MYPN: variants seen among roughly 807,000 people sequenced by gnomAD.
MYPN encodes the protein myopalladin, also known as sarcomeric protein myopalladin, 145 kDa (MYOP).
Under a neutral mutation model 129.4 loss-of-function variants are expected in MYPN, and 63 were observed. The observed-to-expected ratio is 0.49, with a 90% CI of 0.40 to 0.60. MYPN has a LOEUF of 0.60. Among genes scored for constraint, MYPN ranks in the 20% least tolerant of loss-of-function variants. The pLI, the probability that MYPN is intolerant of heterozygous loss-of-function variation, is 0.00. For missense variants in MYPN, 1,596 were observed against 1,635.4 expected, an observed-to-expected ratio of 0.98 and a Z score of 0.42; for synonymous variants, 629 against 600.9, an observed-to-expected ratio of 1.05 and a Z score of -0.68.
intron 1 of MYPN, among the ~76,000 whole-genome samples, chr10:68,088,118 G>C (rs1326192041): frequency 6.6e-6 from 1 of 152,194 alleles, no homozygotes; most frequent in East Asian, 1.9e-4. Flanking sequence ...TAATGATTAA[G>C]AGAGCAATAG....
chr10:68,210,839 T>C lies in MYPN; in HGVS notation c.*384T>C. On this transcript the variant is annotated 3_prime_UTR_variant, in exon 20 of 20. Transcript: ENST00000358913. ...TGAGAAGAGCTAGGCAGTAGTGACC[T>C]TAGGATATGACTAACTCACCAAACA... 2 of 459,412 alleles carry C rather than the reference T, an allele frequency of 4.4e-6. No homozygotes were observed. The highest frequency in any genetic ancestry group is 4.3e-6 in the Non-Finnish European group (1 of 230,244). The allele number at this position is 459,412 out of a possible 1,614,324, so 28.5% of individuals were successfully genotyped here.
chr10:68,194,450 C>A lies in MYPN; in HGVS notation c.3013C>A (p.His1005Asn), dbSNP rs2043569933. Residue 1005 changes from histidine (H) to asparagine (N), a missense_variant, in exon 14 of 20, where the codon CAC becomes AAC. Physicochemically the swap from His to Asn is moderately conservative, Grantham distance 68. Transcript: ENST00000358913. ...AGAAGGAGATGGGACATGCTCTCTG[C>A]ACATTGAATCCACTACCAGTGATGA... is the stretch of plus-strand genomic sequence containing the variant. Reference protein sequence around the residue: ...RREGDGTCSLHIESTTSDDDG... With the variant: ...RREGDGTCSLNIESTTSDDDG... The A allele has an allele frequency of 6.2e-7, 1 of 1,613,770 alleles. No individual in the cohort carries two copies. The highest frequency in any genetic ancestry group is 8.5e-7 in the Non-Finnish European group (1 of 1,179,870).
intron 12 of MYPN, among the ~76,000 whole-genome samples, chr10:68,180,065 G>A (rs1209418094): frequency 6.6e-6 from 1 of 152,216 alleles, no homozygotes; most frequent in Non-Finnish European, 1.5e-5. Flanking sequence ...GTCTATCACA[G>A]TGTTTAGCAC....
chr10:68,207,526 G>A (rs937660032), intron 19 of MYPN, among the ~76,000 whole-genome samples: 8 of 152,174 alleles, frequency 5.3e-5, no homozygotes, highest in Non-Finnish European at 7.4e-5. Flanking sequence ...TTGCTGCCGC[G>A]GGCCACCCAC....
At chr10:68,170,873 G>T (rs1260046415) in intron 10 of MYPN, among the ~76,000 whole-genome samples, 3 of 152,150 alleles carry the variant, frequency 2.0e-5, no homozygotes, top group East Asian at 3.8e-4. Context: ...CCCCGGCCGG[G>T]CATGGTGGCT....
rs140343631 is a variant in MYPN, at chr10:68,099,505, C to T, written c.-2+11513C>T. 3.4e-3 allele frequency among the ~76,000 whole-genome samples: 513 copies of T among 152,154 alleles called. 3 individuals carry two copies. Among genetic ancestry groups the T allele is most frequent in the African/African-American group, 0.011 (473 of 41,502 alleles). On this transcript the variant is annotated intron_variant, in intron 1 of 6. Transcript: ENST00000685154. ...CAAAAATTAGCTGGGCATAGTGCCA[C>T]GCGCCTGTCATCCCAGCCTCATGTC...
chr10:68,124,350 T>C (rs1253505172), intron 2 of MYPN, among the ~76,000 whole-genome samples: 1 of 152,234 alleles, frequency 6.6e-6, no homozygotes, highest in African/African-American at 2.4e-5. Flanking sequence ...ACTACCTGAT[T>C]ATTACTAGAA....
rs367548508 is a variant in MYPN at position 68,143,057 on chromosome 10, C to T, written c.1020C>T (p.Ser340=). ...EAFEEDTGRY[S]CFASNIYGTD... ...TTGAAGAGGACACAGGACGCTATTC[C>T]TGCTTTGCTTCTAACATCTATGGGA... The change falls in exon 3 of 20, where the codon TCC becomes TCT. Residue 340 remains serine, a synonymous_variant. Coordinates refer to ENST00000358913, the MANE Select transcript of MYPN (RefSeq NM_032578.4). 1.2e-6 allele frequency: 2 copies of T among 1,614,162 alleles called. No individual in the cohort carries two copies. The highest frequency in any genetic ancestry group is 1.7e-6 in the Non-Finnish European group (2 of 1,180,020).
intron 1 of MYPN, among the ~76,000 whole-genome samples, chr10:68,094,614 G>A (rs2041947848): frequency 6.6e-6 from 1 of 151,756 alleles, no homozygotes; most frequent in African/African-American, 2.4e-5. Flanking sequence ...AGTCACCGTG[G>A]TTCAAACACC....
intron 8 of MYPN, among the ~76,000 whole-genome samples, chr10:68,164,872 A>G (rs2043029893): frequency 6.6e-6 from 1 of 152,254 alleles, no homozygotes; most frequent in Non-Finnish European, 1.5e-5. Context: ...AAGTTACTCT[A>G]TCAGCTCATT....
At chr10:68,195,599 A>G (rs1042269691) in intron 15 of MYPN, 67 bp downstream of exon 15, 4 of 1,234,574 alleles carry the variant, frequency 3.2e-6, no homozygotes, top group South Asian at 1.2e-5. Context: ...CGTGAGCACC[A>G]AAGTACTGGA....
chr10:68,089,366 G>C (rs2041920508), intron 1 of MYPN, among the ~76,000 whole-genome samples: 1 of 151,872 alleles, frequency 6.6e-6, no homozygotes, highest in Non-Finnish European at 1.5e-5. Context: ...GTTTGTTTTT[G>C]AGACTCGCTC....
At position 68,174,273 on chromosome 10, in the gene MYPN, C is replaced by T. The variant is rs769772959; in HGVS notation, c.2181C>T (p.Phe727=). 1.2e-6 allele frequency: 2 copies of T among 1,614,144 alleles called. No individual in the cohort carries two copies. The highest frequency in any genetic ancestry group is 1.1e-5 in the South Asian group (1 of 91,076). ...TFSLARPKYF[F]PSTNTTAATV... Reference sequence around the variant, plus strand: ...GCTTGGCCCGGCCGAAGTATTTCTTCCCCTCCACGAACACCACCGCAGCAA... The same window carrying T: ...GCTTGGCCCGGCCGAAGTATTTCTTTCCCTCCACGAACACCACCGCAGCAA... Residue 727 remains phenylalanine, a synonymous_variant, in exon 11 of 20, where the codon TTC becomes TTT. Transcript: ENST00000358913.
chr10:68,161,301 G>T (rs2134149787), intron 7 of MYPN, among the ~76,000 whole-genome samples: 1 of 152,274 alleles, frequency 6.6e-6, no homozygotes, highest in Admixed American at 6.5e-5. Context: ...TTCAAGACCA[G>T]CCTGGCCAAC....
At chr10:68,187,217 C>T (rs946537883) in intron 12 of MYPN, among the ~76,000 whole-genome samples, 71 of 150,144 alleles carry the variant, frequency 4.7e-4, no homozygotes, top group African/African-American at 1.6e-3. Context: ...ACTAGAAATA[C>T]AAAAGTTAGC....
intron 2 of MYPN, among the ~76,000 whole-genome samples, chr10:68,131,321 G>A (rs531347402): frequency 1.2e-4 from 18 of 151,786 alleles, no homozygotes; most frequent in Non-Finnish European, 2.2e-4. Context: ...CTCAGGATGT[G>A]GGGGTTGCAG....
chr10:68,115,336 C>T (rs374625269), intron 1 of MYPN, among the ~76,000 whole-genome samples: 1 of 150,052 alleles, frequency 6.7e-6, no homozygotes, highest in South Asian at 2.1e-4. Context: ...TTACGATTTT[C>T]TTTCCTGAAA....
intron 8 of MYPN, among the ~76,000 whole-genome samples, chr10:68,164,752 T>C (rs2043028689): frequency 6.6e-6 from 1 of 152,202 alleles, no homozygotes; most frequent in Non-Finnish European, 1.5e-5. Flanking sequence ...ATCACCTCTG[T>C]AGTTATTCAC....
chr10:68,147,453 C>A (rs1022869558), intron 4 of MYPN, among the ~76,000 whole-genome samples: 1 of 152,124 alleles, frequency 6.6e-6, no homozygotes, highest in African/African-American at 2.4e-5. Flanking sequence ...CACCGTGCCC[C>A]CTCCGGGAAT....
Sources: gnomAD v4.1 joint callset for allele counts (sites outside exome capture counted in the v4.1 genomes callset) on GRCh38, gnomAD v4.1.1 for gene constraint, MANE v1.5 for transcripts, NCBI Gene and HGNC (gene_info 2026-07-23, HGNC 2026-07-21) for gene names.